HEMK2: variants seen among roughly 807,000 people sequenced by gnomAD.
HEMK2 encodes the protein methyltransferase HEMK2.
the HEMK2 span, among the ~76,000 whole-genome samples, chr21:28,668,455 C>T: frequency 6.6e-6 from 1 of 151,916 alleles, no homozygotes; most frequent in Non-Finnish European, 1.5e-5. Context: ...GCTGTAGCCA[C>T]CTAAAGAAGT....
the HEMK2 span, among the ~76,000 whole-genome samples, chr21:28,846,853 G>C: frequency 6.0e-4 from 91 of 152,180 alleles, no homozygotes; most frequent in African/African-American, 2.1e-3. Context: ...TGTACTCAAT[G>C]TTAGCTCCCA....
the HEMK2 span, among the ~76,000 whole-genome samples, chr21:28,841,087 ATATATATTATATAT>A: frequency 6.0e-5 from 2 of 33,596 alleles, no homozygotes; most frequent in African/African-American, 6.1e-4. Flanking sequence ...ATTATATATT[ATATATATTATATAT>A]TATATAATAA....
At chr21:28,683,642 A>T in the HEMK2 span, among the ~76,000 whole-genome samples, 2 of 152,236 alleles carry the variant, frequency 1.3e-5, no homozygotes, top group Non-Finnish European at 2.9e-5. Flanking sequence ...TTTGTAAAAA[A>T]TTACATAAAA....
chr21:28,755,807 T>A, the HEMK2 span, among the ~76,000 whole-genome samples: 2 of 152,350 alleles, frequency 1.3e-5, no homozygotes, highest in Admixed American at 1.3e-4. Flanking sequence ...TTTCTGTGTG[T>A]GAGAGAACAG....
chr21:28,781,580 G>A, the HEMK2 span, among the ~76,000 whole-genome samples: 2,632 of 152,310 alleles, frequency 0.017, 69 homozygotes, highest in African/African-American at 0.06. Context: ...AAGGTACATA[G>A]AGCAAATTTT....
chr21:28,809,474 T>C, the HEMK2 span, among the ~76,000 whole-genome samples: 1 of 152,082 alleles, frequency 6.6e-6, no homozygotes, highest in Non-Finnish European at 1.5e-5. Context: ...GGAGATAATA[T>C]GTATAAATAC....
the HEMK2 span, among the ~76,000 whole-genome samples, chr21:28,838,734 G>C: frequency 6.6e-6 from 1 of 151,172 alleles, no homozygotes; most frequent in Non-Finnish European, 1.5e-5. Context: ...GAAGTCGGTA[G>C]TTCGAGACCA....
At chr21:28,711,247 T>C in the HEMK2 span, among the ~76,000 whole-genome samples, 1 of 152,234 alleles carries the variant, frequency 6.6e-6, no homozygotes, top group South Asian at 2.1e-4. Context: ...GACGCTTTCA[T>C]TATTGTATAT....
At chr21:28,883,274 C>A in the HEMK2 span, among the ~76,000 whole-genome samples, 1 of 151,944 alleles carries the variant, frequency 6.6e-6, no homozygotes, top group African/African-American at 2.4e-5. Context: ...ATTTTGGGTA[C>A]GTAATATAAG....
the HEMK2 span, among the ~76,000 whole-genome samples, chr21:28,877,068 GAGGGA>G: frequency 2.9e-5 from 2 of 67,916 alleles, no homozygotes; most frequent in East Asian, 8.5e-4. Flanking sequence ...GGGAAGGAGG[GAGGGA>G]AGGGAAGGGA....
the HEMK2 span, among the ~76,000 whole-genome samples, chr21:28,776,738 C>T: frequency 6.6e-6 from 1 of 152,148 alleles, no homozygotes; most frequent in South Asian, 2.1e-4. Context: ...GTCCAAGAGT[C>T]CAAAAGCTGA....
At chr21:28,603,477 T>C in the HEMK2 span, among the ~76,000 whole-genome samples, 2 of 151,878 alleles carry the variant, frequency 1.3e-5, no homozygotes, top group East Asian at 3.9e-4. Flanking sequence ...AGGATATATA[T>C]AGATAGATAG....
chr21:28,783,638 C>T, the HEMK2 span, among the ~76,000 whole-genome samples: 13 of 152,228 alleles, frequency 8.5e-5, no homozygotes, highest in South Asian at 2.1e-4. Context: ...TCCTCGGCCT[C>T]GGCACCCACT....
At chr21:28,865,737 C>T in the HEMK2 span, among the ~76,000 whole-genome samples, 1 of 152,040 alleles carries the variant, frequency 6.6e-6, no homozygotes, top group Non-Finnish European at 1.5e-5. Flanking sequence ...GCCCTCTCAC[C>T]TCTTTTGCAC....
chr21:28,642,183 C>A, the HEMK2 span, among the ~76,000 whole-genome samples: 1 of 152,158 alleles, frequency 6.6e-6, no homozygotes, highest in Non-Finnish European at 1.5e-5. Flanking sequence ...CAAAATTTCA[C>A]ATTAAGAGTT....
chr21:28,785,343 A>G, the HEMK2 span, among the ~76,000 whole-genome samples: 1 of 152,260 alleles, frequency 6.6e-6, no homozygotes, highest in Admixed American at 6.5e-5. Context: ...AACTTGTAAT[A>G]TAGTTTGGTA....
the HEMK2 span, among the ~76,000 whole-genome samples, chr21:28,802,732 A>C: frequency 6.6e-6 from 1 of 152,258 alleles, no homozygotes; most frequent in South Asian, 2.1e-4. Context: ...CTCCGTCTCG[A>C]AAACAAATAA....
chr21:28,864,923 T>TAGACAGAC, the HEMK2 span, among the ~76,000 whole-genome samples: 2 of 123,742 alleles, frequency 1.6e-5, no homozygotes, highest in African/African-American at 5.6e-5. Flanking sequence ...TATAGATAGA[T>TAGACAGAC]AGACAGACAG....
the HEMK2 span, among the ~76,000 whole-genome samples, chr21:28,620,168 GC>G: frequency 1.3e-5 from 2 of 152,160 alleles, no homozygotes; most frequent in African/African-American, 4.8e-5. Flanking sequence ...GATTCGGTTT[GC>G]CAGTATTTTA....
Sources: gnomAD v4.1 joint callset for allele counts (sites outside exome capture counted in the v4.1 genomes callset) on GRCh38, gnomAD v4.1.1 for gene constraint, MANE v1.5 for transcripts, NCBI Gene and HGNC (gene_info 2026-07-23, HGNC 2026-07-21) for gene names.